Variants in FAM193A observed in about 807,000 individuals in gnomAD.
FAM193A encodes the protein protein FAM193A.
A neutral mutation model predicts 126.5 loss-of-function variants in FAM193A; 22 were observed. The ratio of observed to expected loss-of-function variants is 0.17; its 90% CI spans 0.12 to 0.25. The LOEUF (loss-of-function observed/expected upper bound fraction) is 0.25, where lower values mean the gene tolerates loss of function less well. Ranked by LOEUF, FAM193A falls within the 10% of genes least tolerant of loss-of-function variation. The probability of loss-of-function intolerance (pLI) is 1.00; values close to 1 mark genes in which losing one functional copy is unlikely to be tolerated. For missense variants in FAM193A, 1,675 were observed against 1,672.8 expected (o/e 1.00, Z -0.02); for synonymous variants, 761 against 646.8 (o/e 1.18, Z -2.68).
At chr4:2,658,384 G>A (rs1486490455) in intron 8 of FAM193A, among the ~76,000 whole-genome samples, 1 of 152,092 alleles carries the variant, frequency 6.6e-6, no homozygotes, top group Non-Finnish European at 1.5e-5. Context: ...CTTCCTGGCG[G>A]TGCCTCCTCC....
At chr4:2,672,899 A>C (rs917362194) in intron 13 of FAM193A, among the ~76,000 whole-genome samples, 21 of 152,228 alleles carry the variant, frequency 1.4e-4, no homozygotes, top group Non-Finnish European at 4.4e-5. Context: ...GTGATGGAGC[A>C]CTGGGGAGGG....
In FAM193A at chr4:2,700,061, G is replaced by T; in HGVS notation, c.3889G>T (p.Ala1297Ser). 2 of 1,613,970 alleles carry T rather than the reference G, an allele frequency of 1.2e-6. No homozygotes were observed. The highest frequency in any genetic ancestry group is 1.7e-6 in the Non-Finnish European group (2 of 1,180,004). The part of the protein sequence containing the change: ...RPGLGADGDA[A>S]DPVDTRDSKF... The stretch of plus-strand genomic sequence containing the variant: ...AGGGCTAGGGGCTGATGGGGATGCT[G>T]CAGACCCCGTCGACACCAGAGACTC... The change falls in exon 19 of 21, where the codon GCA becomes TCA. Residue 1297 changes from alanine to serine, a missense_variant. Ala to Ser is a moderately conservative substitution (Grantham distance 99). Transcript: ENST00000637812.
At chr4:2,686,182 G>T (rs1290610582) in intron 13 of FAM193A, among the ~76,000 whole-genome samples, 1 of 152,156 alleles carries the variant, frequency 6.6e-6, no homozygotes, top group Non-Finnish European at 1.5e-5. Context: ...TTTTGTTACT[G>T]ATCCCTGTTA....
At chr4:2,574,581 A>T (rs1739481137) in intron 1 of FAM193A, among the ~76,000 whole-genome samples, 1 of 152,148 alleles carries the variant, frequency 6.6e-6, no homozygotes, top group South Asian at 2.1e-4. Context: ...AAGAGCATCT[A>T]GTGGAAAGTG....
At chr4:2,704,159 A>T (rs1037218176) in intron 19 of FAM193A, among the ~76,000 whole-genome samples, 1 of 151,036 alleles carries the variant, frequency 6.6e-6, no homozygotes, top group Non-Finnish European at 1.5e-5. Flanking sequence ...GCTACTCGGG[A>T]GGTTGAGGCA....
intron 1 of FAM193A, among the ~76,000 whole-genome samples, chr4:2,578,031 A>G (rs1305591065): frequency 6.6e-6 from 1 of 152,132 alleles, no homozygotes; most frequent in Non-Finnish European, 1.5e-5. Context: ...TCCTCTCTTC[A>G]GATACTAAAT....
At chr4:2,558,273 GAAAAA>G (rs527575996) in intron 1 of FAM193A, among the ~76,000 whole-genome samples, 2 of 103,240 alleles carry the variant, frequency 1.9e-5, no homozygotes, top group Admixed American at 9.8e-5. Flanking sequence ...CATCTCAAAT[GAAAAA>G]AAAAAAAAAG....
chr4:2,569,762 C>T (rs577524075), intron 1 of FAM193A, among the ~76,000 whole-genome samples: 2 of 152,280 alleles, frequency 1.3e-5, no homozygotes, highest in Admixed American at 1.3e-4. Flanking sequence ...GCCTCGGCCT[C>T]CCAAAGTGTT....
intron 1 of FAM193A, among the ~76,000 whole-genome samples, chr4:2,573,492 G>A (rs1292555147): frequency 4.7e-5 from 7 of 148,704 alleles, no homozygotes; most frequent in African/African-American, 1.0e-4. Flanking sequence ...CAGCCTCAGC[G>A]ACAGAGTGAA....
intron 1 of FAM193A, among the ~76,000 whole-genome samples, chr4:2,548,454 TG>T (rs1737705323): frequency 6.6e-6 from 1 of 151,806 alleles, no homozygotes; most frequent in Non-Finnish European, 1.5e-5. Flanking sequence ...TTTCTTCAAC[TG>T]TGTAGCTTAT....
intron 1 of FAM193A, among the ~76,000 whole-genome samples, chr4:2,547,724 C>G (rs942192104): frequency 6.6e-6 from 1 of 151,526 alleles, no homozygotes; most frequent in African/African-American, 2.4e-5. Context: ...CTCCTTGGTT[C>G]AAGCAATTCT....
At chr4:2,536,546 A>G (rs1736879583), upstream of FAM193A, 1 of 99,686 alleles carries the variant, frequency 1.0e-5, no homozygotes, top group African/African-American at 3.9e-5. Flanking sequence ...AGGGAAAAGC[A>G]GAGCCGGGGG....
Position 2,694,028 on chromosome 4 carries a change from G to A in FAM193A, c.3092+154G>A, listed in dbSNP as rs557110039. 2.0e-5 allele frequency among the ~76,000 whole-genome samples: 3 copies of A among 152,328 alleles called. No individual in the cohort carries two copies. The South Asian group carries it at 6.2e-4, about 32-fold the overall frequency. ...AGGGATGTCCCCAGCAGAGGCCATG[G>A]GTAGAGGGGGGCTCCCATCTCAGCC... On this transcript the variant is annotated intron_variant, in intron 16 of 20. Transcript: ENST00000637812.
At chr4:2,668,462 C>T (rs1412969359) in intron 12 of FAM193A, among the ~76,000 whole-genome samples, 1 of 152,110 alleles carries the variant, frequency 6.6e-6, no homozygotes, top group Non-Finnish European at 1.5e-5. Flanking sequence ...CCACCTACCT[C>T]AGCCTCCCAA....
In FAM193A at chr4:2,694,924, G is replaced by C. The variant is rs546690140; in HGVS notation, c.3093-22G>C. 1.9e-5 allele frequency: 29 copies of C among 1,566,578 alleles called. No individual in the cohort carries two copies. The Admixed American group carries it at 4.4e-4, about 24-fold the overall frequency. On this transcript the variant is annotated intron_variant, in intron 16 of 20. Transcript: ENST00000637812. ...CCTCCCGGGCCGGCCACTTGCTGAT[G>C]AGCTTGTATGCGGTTTTGCAGTGAC... is the stretch of plus-strand genomic sequence containing the variant.
At chr4:2,728,894 AAC>A (rs1491424777) in intron 20 of FAM193A, among the ~76,000 whole-genome samples, 4 of 112,080 alleles carry the variant, frequency 3.6e-5, no homozygotes, top group Admixed American at 1.1e-4. Context: ...CCACCTCCAA[AAC>A]TTTTTTTTTT....
At chr4:2,607,602 G>GA (rs1431394603) in intron 2 of FAM193A, among the ~76,000 whole-genome samples, 1 of 152,130 alleles carries the variant, frequency 6.6e-6, no homozygotes, top group East Asian at 1.9e-4. Flanking sequence ...TTAGTATTTG[G>GA]AAAATAATGC....
At chr4:2,598,231 A>G (rs1740982466) in intron 2 of FAM193A, among the ~76,000 whole-genome samples, 1 of 152,072 alleles carries the variant, frequency 6.6e-6, no homozygotes, top group African/African-American at 2.4e-5. Flanking sequence ...CTTTTTCCAG[A>G]GTGTCACATA....
chr4:2,681,357 G>A (rs1715098465), intron 13 of FAM193A, among the ~76,000 whole-genome samples: 1 of 150,426 alleles, frequency 6.6e-6, no homozygotes, highest in Admixed American at 6.6e-5. Flanking sequence ...ATTAATCTCT[G>A]CTCTAAATTA....
Sources: gnomAD v4.1 joint callset for allele counts (sites outside exome capture counted in the v4.1 genomes callset) on GRCh38, gnomAD v4.1.1 for gene constraint, MANE v1.5 for transcripts, NCBI Gene and HGNC (gene_info 2026-07-23, HGNC 2026-07-21) for gene names.